The following MIGA1 variants were observed in gnomAD, a reference collection of about 807,000 sequenced individuals.
The protein encoded by MIGA1 is mitoguardin 1, also known as family with sequence similarity 73, member A.
A neutral mutation model predicts 82.0 loss-of-function variants in MIGA1; 58 were observed. The observed-to-expected ratio is 0.71, with a 90% CI of 0.57 to 0.88. The LOEUF is 0.88. MIGA1 is among the 40% of genes least tolerant of loss of function. The pLI is 0.00. For missense variants in MIGA1, 751 were observed against 749.1 expected, an observed-to-expected ratio of 1.00 and a Z score of -0.03; for synonymous variants, 249 against 253.6, an observed-to-expected ratio of 0.98 and a Z score of 0.17.
At chr1:77,833,941 C>G (rs890896237) in intron 7 of MIGA1, among the ~76,000 whole-genome samples, 1 of 152,164 alleles carries the variant, frequency 6.6e-6, no homozygotes, top group East Asian at 1.9e-4. Flanking sequence ...GCTGTACTTC[C>G]CAGTTAGGAA....
intron 2 of MIGA1, among the ~76,000 whole-genome samples, chr1:77,789,026 TTCTAA>T (rs557619318): frequency 1.4e-4 from 22 of 152,240 alleles, no homozygotes; most frequent in African/African-American, 3.6e-4. Flanking sequence ...ATGTTAAGTC[TTCTAA>T]TCTATGAACA....
chr1:77,866,399 T>G lies in MIGA1; in HGVS notation c.1563+8T>G. ...AAAAGACAACAGATGAAGGTAAAAT[T>G]CGTTATGTCCTGAATTCCTTTGTTA... is the stretch of plus-strand genomic sequence containing the variant. On this transcript the variant is annotated splice_region_variant and intron_variant, in intron 14 of 15. Coordinates refer to ENST00000370791, the MANE Select transcript of MIGA1 (RefSeq NM_198549.4). 1 of 1,613,376 alleles carries G rather than the reference T, an allele frequency of 6.2e-7. No individual in the cohort carries two copies. The highest frequency in any genetic ancestry group is 8.5e-7 in the Non-Finnish European group (1 of 1,179,362).
intron 4 of MIGA1, among the ~76,000 whole-genome samples, chr1:77,803,754 G>T (rs1440809985): frequency 6.6e-6 from 1 of 152,118 alleles, no homozygotes; most frequent in Non-Finnish European, 1.5e-5. Flanking sequence ...GTTACCAGAG[G>T]CTGGGAAAGG....
intron 7 of MIGA1, among the ~76,000 whole-genome samples, chr1:77,832,544 C>T (rs1684279403): frequency 6.6e-6 from 1 of 152,134 alleles, no homozygotes. Flanking sequence ...GAACGTTTCA[C>T]AGGAGGAGTG....
At chr1:77,824,482 T>C (rs1683955607) in intron 7 of MIGA1, among the ~76,000 whole-genome samples, 1 of 152,162 alleles carries the variant, frequency 6.6e-6, no homozygotes, top group African/African-American at 2.4e-5. Context: ...CCCTTGAGCC[T>C]AGGCATTCGA....
intron 2 of MIGA1, among the ~76,000 whole-genome samples, chr1:77,790,849 A>T (rs928259327): frequency 5.9e-5 from 9 of 151,902 alleles, no homozygotes; most frequent in Non-Finnish European, 1.0e-4. Context: ...CAGCCTCCCA[A>T]AGTGCTGGGA....
chr1:77,847,580 T>A, intron 8 of MIGA1: 1 of 1,522,514 alleles, frequency 6.6e-7, no homozygotes, highest in Non-Finnish European at 9.1e-7. Context: ...CATCTGCATA[T>A]AAGAAAAAAC....
At chr1:77,806,899 A>G in intron 4 of MIGA1, 76 bp from the exon 5 acceptor site, 1 of 1,101,020 alleles carries the variant, frequency 9.1e-7, no homozygotes, top group South Asian at 1.6e-5. Context: ...TTATAAAAAT[A>G]ATTTGTAAAT....
At chr1:77,804,765 G>A (rs1015581313) in intron 4 of MIGA1, among the ~76,000 whole-genome samples, 6 of 151,946 alleles carry the variant, frequency 3.9e-5, no homozygotes, top group African/African-American at 1.5e-4. Flanking sequence ...AAGTAGCTGG[G>A]ATTACAGGCA....
intron 2 of MIGA1, among the ~76,000 whole-genome samples, chr1:77,798,286 A>G (rs1682740120): frequency 6.6e-6 from 1 of 152,174 alleles, no homozygotes; most frequent in Non-Finnish European, 1.5e-5. Context: ...GTGACTCCAG[A>G]CATTCTTGGC....
In MIGA1 at chr1:77,875,070, A is replaced by T. The variant is rs371515943; in HGVS notation, c.*6A>T. On this transcript the variant is annotated 3_prime_UTR_variant, in exon 16 of 16. Transcript: ENST00000370791. Reference sequence around the variant, plus strand: ...TGGAAGCCAAAGTACAATAAGTACCATAAGAATCATACAATTTGAGTGTGC... The same window carrying T: ...TGGAAGCCAAAGTACAATAAGTACCTTAAGAATCATACAATTTGAGTGTGC... The T allele has an allele frequency of 4.1e-5, 65 of 1,590,252 alleles. No homozygotes were observed. In the African/African-American group the frequency reaches 6.4e-4, roughly 16 times the overall value.
intron 13 of MIGA1, among the ~76,000 whole-genome samples, chr1:77,865,505 T>C (rs1685630309): frequency 6.6e-6 from 1 of 151,788 alleles, no homozygotes; most frequent in South Asian, 2.1e-4. Flanking sequence ...AGGTGGGAGG[T>C]TCACTTGAGC....
chr1:77,819,791 A>C (rs181734639), intron 7 of MIGA1, among the ~76,000 whole-genome samples: 29 of 152,162 alleles, frequency 1.9e-4, no homozygotes, highest in Middle Eastern at 3.4e-3. Context: ...CGTGTTACCC[A>C]GGCTGGTCTC....
At position 77,801,344 on chromosome 1, in the gene MIGA1, C is replaced by A. The variant is rs139637243; in HGVS notation, c.209C>A (p.Pro70Gln). The A allele has an allele frequency of 1.3e-6, 2 of 1,539,060 alleles. No homozygotes were observed. The highest frequency in any genetic ancestry group is 4.8e-5 in the East Asian group (2 of 41,318). ...AATCTTTTCCAGATCAAATTTTCTCCGGTGGCTAAAAAGTTGTTTGTGGTA... is the reference window on the plus strand; with the variant it reads ...AATCTTTTCCAGATCAAATTTTCTCAGGTGGCTAAAAAGTTGTTTGTGGTA... Residue 70 changes from proline to glutamine, a missense_variant, in exon 3 of 16, where the codon CCG (proline) becomes CAG (glutamine). Pro to Gln is a moderately conservative substitution (Grantham distance 76). Around this residue, in one of 3 missense-constraint regions of MIGA1, gnomAD observed 482 missense variants for 439.4 expected, o/e 1.10. Transcript: ENST00000370791.
intron 2 of MIGA1, among the ~76,000 whole-genome samples, chr1:77,800,804 C>T (rs182758675): frequency 1.3e-5 from 2 of 152,236 alleles, no homozygotes; most frequent in East Asian, 3.9e-4. Context: ...ATTATGTGCT[C>T]ATAGAATAGA....
intron 8 of MIGA1, among the ~76,000 whole-genome samples, chr1:77,844,801 G>A (rs1257403984): frequency 6.6e-6 from 1 of 152,128 alleles, no homozygotes; most frequent in African/African-American, 2.4e-5. Context: ...GGTCAATATG[G>A]TGAAACACCA....
At position 77,876,570 on chromosome 1, in the gene MIGA1, A is replaced by C. The variant is rs1269661522; in HGVS notation, c.*1506A>C. On this transcript the variant is annotated 3_prime_UTR_variant, in exon 16 of 16. Transcript: ENST00000370791. ...AAGACTGTCAACATCTGAAGGTATG[A>C]AACTTGGTACAGTGAAATAATTTCT... The C allele has an allele frequency of 6.6e-6, 1 of 152,230 alleles. No homozygotes were observed. The highest frequency in any genetic ancestry group is 2.4e-5 in the African/African-American group (1 of 41,468). 9.4% of individuals were successfully genotyped at this position (152,230 alleles called of 1,614,324 possible). A position where few individuals can be genotyped will look rare whatever the true frequency, so the allele number is the denominator to read the frequency against.
chr1:77,784,032 T>C (rs530017618), intron 2 of MIGA1, among the ~76,000 whole-genome samples: 55 of 152,318 alleles, frequency 3.6e-4, no homozygotes, highest in Non-Finnish European at 7.2e-4. Flanking sequence ...GTTGTGTGGA[T>C]ATACTACATT....
At position 77,852,430 on chromosome 1, in the gene MIGA1, T is replaced by C. The variant is rs536959302; in HGVS notation, c.997-6508T>C. Among the ~76,000 whole-genome samples the C allele has an allele frequency of 1.9e-3, 290 of 152,272 alleles. 4 individuals carry two copies. The highest frequency in any genetic ancestry group is 1.0e-3 in the Non-Finnish European group (68 of 68,020). On this transcript the variant is annotated intron_variant, in intron 8 of 15. Transcript: ENST00000370791. ...AATGTTACTTAAAGTAGAGAATATA[T>C]ACTGTGAGATACTGTCATCTCTTCA...
Sources: gnomAD v4.1 joint callset for allele counts (sites outside exome capture counted in the v4.1 genomes callset) on GRCh38, gnomAD v4.1.1 for gene constraint, gnomAD v4.1.1 regional missense constraint, MANE v1.5 for transcripts, NCBI Gene and HGNC (gene_info 2026-07-23, HGNC 2026-07-21) for gene names.